The following EFR3B variants were observed in gnomAD, a reference collection of about 807,000 sequenced individuals.
EFR3B encodes protein EFR3 homolog B.
EFR3B carries 64 observed loss-of-function variants against 104.7 expected under a neutral mutation model. The observed-to-expected ratio is 0.61, with a 90% CI of 0.50 to 0.75. The LOEUF (loss-of-function observed/expected upper bound fraction) is 0.75. Among genes scored for constraint, EFR3B ranks in the 30% least tolerant of loss-of-function variants. The pLI is 0.00. For missense variants in EFR3B, 750 were observed against 1,078.5 expected (o/e 0.70, Z 4.27); for synonymous variants, 385 against 417.9 (o/e 0.92, Z 0.96).
chr2:25,060,646 C>T (rs1397809911), intron 1 of EFR3B, among the ~76,000 whole-genome samples: 3 of 151,644 alleles, frequency 2.0e-5, no homozygotes, highest in Non-Finnish European at 2.9e-5. Flanking sequence ...GTCGGCCGGG[C>T]GCGGTGGCTC....
At chr2:25,076,110 C>G (rs1303376318) in intron 1 of EFR3B, among the ~76,000 whole-genome samples, 1 of 152,018 alleles carries the variant, frequency 6.6e-6, no homozygotes, top group East Asian at 1.9e-4. Flanking sequence ...CCTGGCTGGT[C>G]TCAAACTCCT....
chr2:25,131,078 A>G lies in EFR3B; in HGVS notation c.850-290A>G, dbSNP rs1196408711. Among the ~76,000 whole-genome samples, 1 of 152,108 alleles carries G rather than the reference A, an allele frequency of 6.6e-6. No homozygotes were observed. The highest frequency in any genetic ancestry group is 1.5e-5 in the Non-Finnish European group (1 of 68,024). On this transcript the variant is annotated intron_variant, in intron 8 of 22. Coordinates refer to ENST00000403714, the MANE Select transcript of EFR3B (RefSeq NM_014971.2). This position sits in a 1 kb window ranked among gnomAD's most constrained non-coding sequence, Gnocchi z 7.6. ...GCCTCCCGTGGCTCTTGCCGGAAAG[A>G]CCTGAAGAAATGAAAGGAAGACCCT...
At chr2:25,150,317 AAAG>A (rs1670967010) in intron 20 of EFR3B, among the ~76,000 whole-genome samples, 2 of 151,814 alleles carry the variant, frequency 1.3e-5, no homozygotes, top group South Asian at 4.2e-4. Flanking sequence ...AAAAAAAAAA[AAAG>A]GCAATCAGTT....
At chr2:25,061,836 A>G (rs111651816) in intron 1 of EFR3B, among the ~76,000 whole-genome samples, 3,009 of 152,120 alleles carry the variant, frequency 0.02, 90 homozygotes, top group African/African-American at 0.068. Flanking sequence ...ATGCCACACC[A>G]GGGAGCCAGC....
intron 1 of EFR3B, among the ~76,000 whole-genome samples, chr2:25,045,667 G>A (rs1483834137): frequency 2.6e-5 from 4 of 151,956 alleles, no homozygotes; most frequent in East Asian, 1.9e-4. Context: ...CTGTAATCCC[G>A]GTTACTCGGG....
intron 1 of EFR3B, among the ~76,000 whole-genome samples, chr2:25,050,124 C>A (rs1166281082): frequency 6.6e-6 from 1 of 150,432 alleles, no homozygotes; most frequent in Non-Finnish European, 1.5e-5. Context: ...GAGTGAAACT[C>A]CATCTGAAAA....
intron 3 of EFR3B, among the ~76,000 whole-genome samples, chr2:25,102,565 A>G (rs906057202): frequency 6.6e-6 from 1 of 152,170 alleles, no homozygotes; most frequent in Non-Finnish European, 1.5e-5. Flanking sequence ...AGAACACACT[A>G]TCACAAGAAC....
intron 3 of EFR3B, among the ~76,000 whole-genome samples, chr2:25,098,362 C>T (rs1469928486): frequency 6.6e-6 from 1 of 152,174 alleles, no homozygotes; most frequent in Non-Finnish European, 1.5e-5. Flanking sequence ...CTTTCCTCTC[C>T]AACTAAGCCT....
chr2:25,044,322 CTCAACTGCTTGGAT>C (rs1667658808), intron 1 of EFR3B, among the ~76,000 whole-genome samples: 4 of 152,016 alleles, frequency 2.6e-5, no homozygotes, highest in Admixed American at 2.6e-4. Flanking sequence ...CTGGTGAGGA[CTCAACTGCTTGGAT>C]TTTCGTATAT....
chr2:25,132,596 C>A (rs1368802190), intron 10 of EFR3B, among the ~76,000 whole-genome samples: 1 of 151,814 alleles, frequency 6.6e-6, no homozygotes, highest in Non-Finnish European at 1.5e-5. Context: ...TCCCCCCGAC[C>A]CCCCGCTCCG....
At chr2:25,097,043 C>G (rs1175144207) in intron 3 of EFR3B, among the ~76,000 whole-genome samples, 2 of 152,144 alleles carry the variant, frequency 1.3e-5, no homozygotes, top group African/African-American at 4.8e-5. Flanking sequence ...TAGGTTGAAC[C>G]TAAAACTAAT....
intron 5 of EFR3B, 51 bp downstream of exon 5, chr2:25,121,845 G>T: frequency 6.4e-7 from 1 of 1,550,602 alleles, no homozygotes. Flanking sequence ...CAGAAGCAAC[G>T]GTGGGTCCTG....
intron 1 of EFR3B, among the ~76,000 whole-genome samples, chr2:25,069,345 C>T (rs1668427174): frequency 6.6e-6 from 1 of 152,076 alleles, no homozygotes; most frequent in Non-Finnish European, 1.5e-5. Flanking sequence ...ATGCTTTTTT[C>T]CCCTCTTCCT....
chr2:25,141,222 C>T (rs1573233822), intron 16 of EFR3B, 144 bp from the exon 17 acceptor site: 2 of 789,076 alleles, frequency 2.5e-6, no homozygotes, highest in Non-Finnish European at 3.8e-6. Context: ...TGCGAGTTTC[C>T]ACTGAAAAGC....
chr2:25,042,265 G>A lies in EFR3B; in HGVS notation c.-48G>A. The A allele has an allele frequency of 1.5e-6, 2 of 1,312,984 alleles. No homozygotes were observed. Among genetic ancestry groups the A allele is most frequent in the East Asian group, 3.2e-5 (1 of 31,616 alleles). 81.3% of individuals were successfully genotyped at this position (1,312,984 alleles called of 1,614,324 possible). Reference sequence around the variant, plus strand: ...GCGGGCGCCGCCGAGGGCTGGCTGGGAACGCCGCAGCGACGCCGGCCTCTC... The same window carrying A: ...GCGGGCGCCGCCGAGGGCTGGCTGGAAACGCCGCAGCGACGCCGGCCTCTC... On this transcript the variant is annotated 5_prime_UTR_variant, in exon 1 of 23. Transcript: ENST00000403714. This position sits in a 1 kb window ranked among gnomAD's most constrained non-coding sequence, Gnocchi z 5.4.
Position 25,154,141 on chromosome 2 carries a change from G to A in EFR3B, c.2349-94G>A, listed in dbSNP as rs549031593. 1.4e-4 allele frequency: 163 copies of A among 1,175,434 alleles called. 1 individual carries two copies. The highest frequency in any genetic ancestry group is 1.9e-4 in the Non-Finnish European group (158 of 825,252). The allele number at this position is 1,175,434 out of a possible 1,614,324, so 72.8% of individuals were successfully genotyped here. A position where few individuals can be genotyped will look rare whatever the true frequency, so the allele number is the denominator to read the frequency against. Reference sequence around the variant, plus strand: ...GGGGTCTCTGGTGCCTGTGCAAAAAGAAACCCAAGTCACCTACTCTGTTTG... The same window carrying A: ...GGGGTCTCTGGTGCCTGTGCAAAAAAAAACCCAAGTCACCTACTCTGTTTG... On this transcript the variant is annotated intron_variant, in intron 22 of 22. Transcript: ENST00000403714. This position sits in a 1 kb window ranked among gnomAD's most constrained non-coding sequence, Gnocchi z 4.1.
At chr2:25,118,360 CATA>C (rs917126165) in intron 4 of EFR3B, among the ~76,000 whole-genome samples, 1 of 152,192 alleles carries the variant, frequency 6.6e-6, no homozygotes, top group African/African-American at 2.4e-5. Context: ...TTTTACTGAG[CATA>C]ATGTCTTCCA....
chr2:25,042,630 T>C lies in EFR3B; in HGVS notation c.7+311T>C. On this transcript the variant is annotated intron_variant, in intron 1 of 22. Coordinates refer to ENST00000403714, the MANE Select transcript of EFR3B (RefSeq NM_014971.2). This position sits in a 1 kb window ranked among gnomAD's most constrained non-coding sequence, Gnocchi z 5.4. Reference sequence around the variant, plus strand: ...AGCAGACCGGGAGTGCTGGAGGAGGTGGTCGTGTGGCAGCATTTGCGGAAT... The same window carrying C: ...AGCAGACCGGGAGTGCTGGAGGAGGCGGTCGTGTGGCAGCATTTGCGGAAT... 1 of 1,149,938 alleles carries C rather than the reference T, an allele frequency of 8.7e-7. No individual in the cohort carries two copies. Among genetic ancestry groups the C allele is most frequent in the Non-Finnish European group, 1.1e-6 (1 of 936,436 alleles). 71.2% of individuals were successfully genotyped at this position (1,149,938 alleles called of 1,614,324 possible). A position where few individuals can be genotyped will look rare whatever the true frequency, so the allele number is the denominator to read the frequency against.
At chr2:25,138,674 G>A (rs1302224444) in intron 15 of EFR3B, among the ~76,000 whole-genome samples, 3 of 152,258 alleles carry the variant, frequency 2.0e-5, no homozygotes, top group South Asian at 2.1e-4. Context: ...TAACATATGA[G>A]CCCAGTTTAG....
Sources: allele counts gnomAD v4.1 joint callset (sites outside exome capture counted in the v4.1 genomes callset), GRCh38; gene constraint gnomAD v4.1.1; non-coding constraint Gnocchi (gnomAD v3.1); transcripts MANE v1.5; gene names NCBI Gene and HGNC (gene_info 2026-07-23, HGNC 2026-07-21).